The following MMD2 variants were observed in gnomAD, a reference collection of about 807,000 sequenced individuals.
MMD2 encodes monocyte to macrophage differentiation associated 2, also known as monocyte to macrophage differentiation factor 2.
MMD2 carries 30 observed loss-of-function variants against 33.5 expected under a neutral mutation model. The ratio of observed to expected loss-of-function variants is 0.90; its 90% confidence interval spans 0.67 to 1.22. MMD2 has a LOEUF of 1.22. Ranked by LOEUF, MMD2 falls within the 50% of genes most tolerant of loss-of-function variation. MMD2 has a pLI of 0.00. For missense variants in MMD2, 364 were observed against 325.4 expected (o/e 1.12, Z -0.91); for synonymous variants, 129 against 123.0 (o/e 1.05, Z -0.32).
intron 1 of MMD2, among the ~76,000 whole-genome samples, chr7:4,926,430 A>G (rs1313678291): frequency 6.6e-6 from 1 of 151,954 alleles, no homozygotes; most frequent in Non-Finnish European, 1.5e-5. Flanking sequence ...AGTACAACTT[A>G]CAGACAATAT....
intron 6 of MMD2, among the ~76,000 whole-genome samples, chr7:4,908,286 CAT>C (rs1784916661): frequency 6.6e-6 from 1 of 151,558 alleles, no homozygotes; most frequent in Admixed American, 6.6e-5. Flanking sequence ...GGACTACAGG[CAT>C]GCACCACCAT....
intron 1 of MMD2, among the ~76,000 whole-genome samples, chr7:4,931,713 T>A (rs1221107709): frequency 6.6e-6 from 1 of 151,854 alleles, no homozygotes; most frequent in Admixed American, 6.6e-5. Context: ...TACAGGTACA[T>A]GCCACCACAC....
chr7:4,945,231 TTCTTCTTCC>T (rs1786039089), intron 1 of MMD2, among the ~76,000 whole-genome samples: 1 of 147,686 alleles, frequency 6.8e-6, no homozygotes, highest in Non-Finnish European at 1.5e-5. Flanking sequence ...CTTCTTCTTC[TTCTTCTTCC>T]TCTCTCTCTT....
downstream of MMD2, among the ~76,000 whole-genome samples, chr7:4,905,778 C>A (rs370869625): frequency 2.1e-4 from 32 of 152,286 alleles, no homozygotes; most frequent in African/African-American, 7.2e-4. This position sits in a 1 kb window ranked among gnomAD's most constrained non-coding sequence, Gnocchi z 5.0. Context: ...TGACCTCCAG[C>A]CCTGACCCCA....
At chr7:4,954,394 G>C (rs190863529) in intron 1 of MMD2, among the ~76,000 whole-genome samples, 1 of 151,524 alleles carries the variant, frequency 6.6e-6, no homozygotes, top group Non-Finnish European at 1.5e-5. Context: ...TTTCTTCATG[G>C]CATTTTTGAT....
chr7:4,897,665 T>G, the MMD2 span, among the ~76,000 whole-genome samples: 2 of 152,170 alleles, frequency 1.3e-5, no homozygotes, highest in Non-Finnish European at 2.9e-5. Flanking sequence ...AATTTGAAAA[T>G]GCTGATGGAG....
chr7:4,930,995 C>T (rs1467572694), intron 1 of MMD2, among the ~76,000 whole-genome samples: 1 of 151,918 alleles, frequency 6.6e-6, no homozygotes, highest in Non-Finnish European at 1.5e-5. Flanking sequence ...GAATTACAGG[C>T]GCCCGCCACC....
At chr7:4,938,002 CTTTTTTTTTTTTTT>C (rs1165504272) in intron 1 of MMD2, among the ~76,000 whole-genome samples, 3 of 45,646 alleles carry the variant, frequency 6.6e-5, no homozygotes, top group Non-Finnish European at 1.1e-4. Context: ...TTCTTTCTTT[CTTTTTTTTTTTTTT>C]TTTTTTTTTT....
At chr7:4,925,311 C>CACT (rs1785395198) in intron 2 of MMD2, 140 bp downstream of exon 2, 4 of 390,450 alleles carry the variant, frequency 1.0e-5, no homozygotes, top group African/African-American at 2.4e-5. Flanking sequence ...CCTCGAGACG[C>CACT]CACAGTGGCC....
intron 6 of MMD2, 85 bp from the exon 7 acceptor site, chr7:4,907,684 C>T: frequency 2.1e-6 from 3 of 1,399,530 alleles, no homozygotes; most frequent in South Asian, 2.4e-5. Flanking sequence ...CCACCCAAAA[C>T]CAAAAGACAT....
intron 1 of MMD2, among the ~76,000 whole-genome samples, chr7:4,927,505 C>T (rs1430639412): frequency 6.6e-6 from 1 of 151,968 alleles, no homozygotes. Flanking sequence ...CGTACCATTG[C>T]ACTCCAACCT....
the MMD2 span, among the ~76,000 whole-genome samples, chr7:4,899,310 G>C: frequency 1.3e-5 from 2 of 152,142 alleles, no homozygotes; most frequent in East Asian, 1.9e-4. Context: ...GGACAGGATA[G>C]GATAGGATAG....
chr7:4,953,649 T>G (rs958721694), intron 1 of MMD2, among the ~76,000 whole-genome samples: 2 of 151,274 alleles, frequency 1.3e-5, no homozygotes, highest in Admixed American at 1.3e-4. Flanking sequence ...TTTTGTATTT[T>G]TAGTAGAGAC....
intron 1 of MMD2, among the ~76,000 whole-genome samples, chr7:4,953,003 G>A (rs1490992143): frequency 6.7e-6 from 1 of 149,816 alleles, no homozygotes; most frequent in African/African-American, 2.5e-5. Context: ...TTGTTTTTTT[G>A]TTTGCTTAGT....
chr7:4,923,880 C>T (rs1007983273), intron 2 of MMD2, among the ~76,000 whole-genome samples: 6 of 152,140 alleles, frequency 3.9e-5, no homozygotes, highest in Admixed American at 2.0e-4. Context: ...CTGGGCACGG[C>T]GGCTCATACC....
intron 2 of MMD2, among the ~76,000 whole-genome samples, chr7:4,924,285 C>A (rs976283130): frequency 1.7e-4 from 26 of 152,368 alleles, no homozygotes; most frequent in Non-Finnish European, 2.2e-4. Context: ...ACCAGCCACT[C>A]CTTTCTATGA....
chr7:4,918,629 G>A (rs1449048664), intron 3 of MMD2, among the ~76,000 whole-genome samples: 2 of 151,710 alleles, frequency 1.3e-5, no homozygotes, highest in Admixed American at 6.6e-5. Context: ...GATTACAGGT[G>A]TGTGCCAGCC....
At chr7:4,898,604 T>C in the MMD2 span, among the ~76,000 whole-genome samples, 1 of 151,998 alleles carries the variant, frequency 6.6e-6, no homozygotes. Flanking sequence ...TATTAAGAAA[T>C]GAGGCGTTTG....
At chr7:4,920,715 TC>T (rs1785260760) in intron 2 of MMD2, among the ~76,000 whole-genome samples, 1 of 76,380 alleles carries the variant, frequency 1.3e-5, no homozygotes, top group Admixed American at 1.7e-4. Context: ...CCTCCCTCCC[TC>T]CCTTCCTCCC....
Sources: gnomAD v4.1 joint callset for allele counts (sites outside exome capture counted in the v4.1 genomes callset) on GRCh38, gnomAD v4.1.1 for gene constraint, Gnocchi (gnomAD v3.1) non-coding constraint, MANE v1.5 for transcripts, NCBI Gene and HGNC (gene_info 2026-07-23, HGNC 2026-07-21) for gene names.